Variants in PARD3B observed in about 807,000 individuals in gnomAD.
PARD3B encodes par-3 family cell polarity regulator beta, also known as partitioning defective 3 homolog B.
In PARD3B, 103 loss-of-function variants were observed where a neutral mutation model predicts 130.2. The observed-to-expected ratio is 0.79, with a 90% CI of 0.67 to 0.93. The LOEUF is 0.93. PARD3B is among the 40% of genes least tolerant of loss of function. The pLI is 0.00. For synonymous variants in PARD3B, 583 were observed against 553.2 expected (o/e 1.05, Z -0.76); for missense variants, 1,609 against 1,499.2 (o/e 1.07, Z -1.21).
rs1364856071 is a variant in PARD3B at position 204,890,861 on chromosome 2, C to T, written c.223-74291C>T. ...TGTCTGGAGGGTATTGTTTTGGATG[C>T]GGATGTTGTTTAGGATTTAAAACAA... On this transcript the variant is annotated intron_variant, in intron 2 of 22. Coordinates refer to ENST00000406610, the MANE Select transcript of PARD3B (RefSeq NM_001302769.2). The surrounding 1 kb of genome is among the most constrained non-coding windows in gnomAD (Gnocchi z 4.9). Among the ~76,000 whole-genome samples the T allele has an allele frequency of 4.6e-5, 7 of 152,114 alleles. No individual in the cohort carries two copies. In the East Asian group the frequency reaches 5.8e-4, roughly 13 times the overall value.
intron 2 of PARD3B, among the ~76,000 whole-genome samples, chr2:204,818,986 A>C (rs1413385127): frequency 6.6e-6 from 1 of 152,208 alleles, no homozygotes; most frequent in Non-Finnish European, 1.5e-5. Flanking sequence ...GGGGAGACTA[A>C]GATGATCCAT....
At chr2:205,607,831 TACACAC>T (rs776583001) in intron 22 of PARD3B, among the ~76,000 whole-genome samples, 2,170 of 116,180 alleles carry the variant, frequency 0.019, 35 homozygotes, top group African/African-American at 0.027. Context: ...CCAACACCCA[TACACAC>T]ACACACACAC....
chr2:204,697,115 T>C (rs1345127119), intron 2 of PARD3B, among the ~76,000 whole-genome samples: 1 of 152,150 alleles, frequency 6.6e-6, no homozygotes, highest in East Asian at 1.9e-4. Flanking sequence ...TCATAGTTCT[T>C]AATTGATAAC....
chr2:204,713,292 C>G (rs41482445), intron 2 of PARD3B, among the ~76,000 whole-genome samples: 1 of 151,664 alleles, frequency 6.6e-6, no homozygotes, highest in Non-Finnish European at 1.5e-5. Context: ...TTTTCCAAAT[C>G]CAGTGTGCCA....
intron 21 of PARD3B, among the ~76,000 whole-genome samples, chr2:205,529,785 C>G (rs1422808226): frequency 2.6e-5 from 4 of 152,150 alleles, no homozygotes; most frequent in Non-Finnish European, 4.4e-5. Context: ...AAAAGCTGAT[C>G]TACGAGGGTT....
At chr2:205,170,510 G>A (rs576144369) in intron 11 of PARD3B, among the ~76,000 whole-genome samples, 1 of 152,262 alleles carries the variant, frequency 6.6e-6, no homozygotes, top group South Asian at 2.1e-4. Context: ...CCCCGAGTGG[G>A]TGTGTCCTCC....
intron 3 of PARD3B, among the ~76,000 whole-genome samples, chr2:204,989,457 G>A (rs1417692010): frequency 2.0e-5 from 3 of 152,048 alleles, no homozygotes; most frequent in Non-Finnish European, 2.9e-5. Flanking sequence ...GAATTTGAGA[G>A]TTTTCTAAAA....
chr2:205,153,655 G>C (rs935163095), intron 10 of PARD3B, among the ~76,000 whole-genome samples: 1 of 152,136 alleles, frequency 6.6e-6, no homozygotes, highest in Non-Finnish European at 1.5e-5. Context: ...TTACTACAAG[G>C]CTACAGTAAC....
chr2:204,564,926 A>G (rs2031577678), intron 1 of PARD3B, among the ~76,000 whole-genome samples: 1 of 152,200 alleles, frequency 6.6e-6, no homozygotes, highest in African/African-American at 2.4e-5. Flanking sequence ...ATTATATCAC[A>G]GTTTCTATGG....
intron 3 of PARD3B, among the ~76,000 whole-genome samples, chr2:205,016,731 G>C (rs1167131834): frequency 6.6e-6 from 1 of 151,332 alleles, no homozygotes; most frequent in Non-Finnish European, 1.5e-5. Flanking sequence ...TGTTTACTTT[G>C]ACTGGCCTCT....
intron 18 of PARD3B, among the ~76,000 whole-genome samples, chr2:205,391,184 C>T (rs1341880147): frequency 6.6e-6 from 1 of 152,228 alleles, no homozygotes; most frequent in Non-Finnish European, 1.5e-5. Flanking sequence ...AACACTCTTT[C>T]CTTTCCTAGT....
chr2:204,734,021 G>A (rs116772863), intron 2 of PARD3B, among the ~76,000 whole-genome samples: 11 of 152,222 alleles, frequency 7.2e-5, no homozygotes, highest in South Asian at 2.1e-4. Context: ...TTTGCAAAGC[G>A]TATGCTTAAT....
chr2:204,881,030 T>C (rs533723540), intron 2 of PARD3B, among the ~76,000 whole-genome samples: 1 of 152,218 alleles, frequency 6.6e-6, no homozygotes, highest in Non-Finnish European at 1.5e-5. Flanking sequence ...AAAATTTCTA[T>C]GAAACTTCTC....
At chr2:205,566,580 C>G (rs1575379930) in intron 22 of PARD3B, among the ~76,000 whole-genome samples, 1 of 152,198 alleles carries the variant, frequency 6.6e-6, no homozygotes, top group Middle Eastern at 3.4e-3. Context: ...CATGGTTAAG[C>G]TTTGGGACAT....
chr2:205,132,758 A>G (rs2032121584), intron 10 of PARD3B, among the ~76,000 whole-genome samples: 1 of 152,176 alleles, frequency 6.6e-6, no homozygotes, highest in Non-Finnish European at 1.5e-5. Context: ...TCAGTGTCTC[A>G]ATTTCCTCAT....
At chr2:205,217,844 ATGTGTGTG>A (rs747500423) in intron 15 of PARD3B, among the ~76,000 whole-genome samples, 5,612 of 88,366 alleles carry the variant, frequency 0.064, 226 homozygotes, top group South Asian at 0.077. Context: ...ATGTGTGTAT[ATGTGTGTG>A]TGTGTGTGTG....
chr2:204,773,535 C>T (rs1213029266), intron 2 of PARD3B, among the ~76,000 whole-genome samples: 1 of 152,058 alleles, frequency 6.6e-6, no homozygotes, highest in Non-Finnish European at 1.5e-5. Context: ...CTCAACGTTA[C>T]TGTAATTTTA....
intron 21 of PARD3B, among the ~76,000 whole-genome samples, chr2:205,537,712 T>C (rs1278262306): frequency 6.6e-6 from 1 of 152,228 alleles, no homozygotes; most frequent in Non-Finnish European, 1.5e-5. Context: ...AAGCCAGCTG[T>C]CATTCTCTCC....
intron 10 of PARD3B, among the ~76,000 whole-genome samples, chr2:205,145,823 CA>C (rs58133781): frequency 0.041 from 5,176 of 126,670 alleles, 188 homozygotes; most frequent in African/African-American, 0.11. Flanking sequence ...TCCAAGAAGT[CA>C]AAAAAAAAAA....
Sources: allele counts gnomAD v4.1 joint callset (sites outside exome capture counted in the v4.1 genomes callset), GRCh38; gene constraint gnomAD v4.1.1; non-coding constraint Gnocchi (gnomAD v3.1); transcripts MANE v1.5; gene names NCBI Gene and HGNC (gene_info 2026-07-23, HGNC 2026-07-21).